Variants in CSMD1 observed in about 807,000 individuals in gnomAD.
CSMD1 encodes CUB and Sushi multiple domains 1.
CSMD1 carries 213 observed loss-of-function variants against 417.5 expected under a neutral mutation model. The ratio of observed to expected loss-of-function variants is 0.51; its 90% confidence interval spans 0.46 to 0.57. The LOEUF is 0.57. Ranked by LOEUF, CSMD1 falls within the 20% of genes least tolerant of loss-of-function variation. CSMD1 has a pLI of 0.00. For missense variants in CSMD1, 6,923 were observed against 4,529.7 expected (o/e 1.53, Z -15.17); for synonymous variants, 2,862 against 1,736.8 (o/e 1.65, Z -16.11).
chr8:3,905,206 A>AT (rs554892634), intron 5 of CSMD1, among the ~76,000 whole-genome samples: 3 of 152,090 alleles, frequency 2.0e-5, no homozygotes, highest in Non-Finnish European at 2.9e-5. Flanking sequence ...AAAAGATAAT[A>AT]TTTTTTCTGC....
At position 3,134,342 on chromosome 8, in the gene CSMD1, A is replaced by G. The variant is rs77913190; in HGVS notation, c.6241+8123T>C. On this transcript the variant is annotated intron_variant, in intron 41 of 69. Transcript: ENST00000635120. ...GATCTGCAAGAGGCAATGCAGCCAC[A>G]GCGGACATCTGGATTCCACGGTCAC... Among the ~76,000 whole-genome samples the G allele has an allele frequency of 9.0e-3, 1,376 of 152,308 alleles. 18 individuals carry two copies. The highest frequency in any genetic ancestry group is 0.066 in the South Asian group (318 of 4,828).
chr8:4,133,029 G>T (rs893781656), intron 3 of CSMD1, among the ~76,000 whole-genome samples: 1 of 152,118 alleles, frequency 6.6e-6, no homozygotes. Flanking sequence ...CGACTCCCGG[G>T]TTAAAGCGAT....
chr8:3,674,852 T>A (rs1293456660), intron 7 of CSMD1, among the ~76,000 whole-genome samples: 2 of 152,196 alleles, frequency 1.3e-5, no homozygotes, highest in Non-Finnish European at 2.9e-5. Context: ...CAGTAAAGAC[T>A]ATCCTTTAAA....
At chr8:4,980,503 G>A (rs1039887529) in intron 1 of CSMD1, among the ~76,000 whole-genome samples, 1 of 152,216 alleles carries the variant, frequency 6.6e-6, no homozygotes, top group Admixed American at 6.5e-5. Flanking sequence ...AATGAAAGGA[G>A]AATTCCTTAG....
intron 3 of CSMD1, among the ~76,000 whole-genome samples, chr8:4,123,826 G>T (rs771098787): frequency 1.3e-5 from 2 of 152,070 alleles, no homozygotes; most frequent in African/African-American, 2.4e-5. Flanking sequence ...TTCAAGTGAG[G>T]ACCTATAGAG....
At chr8:4,730,616 C>T (rs1402396280) in intron 1 of CSMD1, among the ~76,000 whole-genome samples, 1 of 152,026 alleles carries the variant, frequency 6.6e-6, no homozygotes, top group African/African-American at 2.4e-5. Context: ...TGGCGGGCGC[C>T]TGTAGTCCCA....
chr8:3,108,410 T>A (rs1214232651), intron 44 of CSMD1, among the ~76,000 whole-genome samples, 193 bp downstream of exon 44: 1 of 152,164 alleles, frequency 6.6e-6, no homozygotes, highest in Non-Finnish European at 1.5e-5. Flanking sequence ...CCAAGCTGGA[T>A]ACGATGTGAA....
At chr8:4,260,318 G>C (rs773465545) in intron 3 of CSMD1, among the ~76,000 whole-genome samples, 50 of 152,092 alleles carry the variant, frequency 3.3e-4, no homozygotes, top group Admixed American at 2.2e-3. Context: ...TTTATGATGT[G>C]TCTGTTTTTA....
intron 49 of CSMD1, among the ~76,000 whole-genome samples, chr8:3,079,270 C>G (rs1417353790): frequency 6.6e-6 from 1 of 152,184 alleles, no homozygotes; most frequent in African/African-American, 2.4e-5. Context: ...TGATAATTTA[C>G]AATCTGGCTG....
chr8:4,280,076 T>G lies in CSMD1; in HGVS notation c.415+139877A>C, dbSNP rs1212521281. Among the ~76,000 whole-genome samples the G allele has an allele frequency of 3.3e-5, 5 of 152,238 alleles. No homozygotes were observed. The South Asian group carries it at 1.0e-3, about 31-fold the overall frequency. On this transcript the variant is annotated intron_variant, in intron 3 of 69. Coordinates refer to ENST00000635120, the MANE Select transcript of CSMD1 (RefSeq NM_033225.6). ...GAACGCTGAGCGTTAACTAACGCGT[T>G]GAAAATAAATAACTCTGTTTTGTAT...
chr8:3,801,914 G>A (rs1428908738), intron 5 of CSMD1, among the ~76,000 whole-genome samples: 4 of 152,052 alleles, frequency 2.6e-5, no homozygotes, highest in Non-Finnish European at 5.9e-5. Flanking sequence ...CCAATGCCTA[G>A]GGTATAGGGT....
chr8:3,637,826 A>G (rs1273025796), intron 7 of CSMD1, among the ~76,000 whole-genome samples: 1 of 152,162 alleles, frequency 6.6e-6, no homozygotes, highest in Non-Finnish European at 1.5e-5. Flanking sequence ...CTTGGGGGCC[A>G]GTATTTCTTG....
intron 8 of CSMD1, among the ~76,000 whole-genome samples, chr8:3,612,586 G>A (rs997440286): frequency 6.6e-6 from 1 of 152,086 alleles, no homozygotes; most frequent in African/African-American, 2.4e-5. Flanking sequence ...ATTTTTTAAA[G>A]TTCAGATCCT....
rs369153096 is a variant in CSMD1, at chr8:3,942,132, T to C, written c.818+55771A>G. ...GATGATCTGTCACGCTGAGATGGGA[T>C]CGTCACCCCCAGATGGGACCATCTA... On this transcript the variant is annotated intron_variant, in intron 5 of 69. Coordinates refer to ENST00000635120, the MANE Select transcript of CSMD1 (RefSeq NM_033225.6). Among the ~76,000 whole-genome samples, 6 of 152,068 alleles carry C rather than the reference T, an allele frequency of 3.9e-5. No homozygotes were observed. In the East Asian group the frequency reaches 9.7e-4, roughly 25 times the overall value.
intron 1 of CSMD1, among the ~76,000 whole-genome samples, chr8:4,798,621 T>G (rs1585117155): frequency 6.6e-6 from 1 of 152,072 alleles, no homozygotes; most frequent in Non-Finnish European, 1.5e-5. Context: ...TCAATAAAAA[T>G]TCGTCTAAAA....
chr8:3,846,319 T>G (rs1803500395), intron 5 of CSMD1, among the ~76,000 whole-genome samples: 1 of 152,324 alleles, frequency 6.6e-6, no homozygotes, highest in Non-Finnish European at 1.5e-5. Context: ...CATGAGAATC[T>G]TATCCAACCA....
chr8:4,338,105 T>G (rs540469271), intron 3 of CSMD1, among the ~76,000 whole-genome samples: 1 of 152,156 alleles, frequency 6.6e-6, no homozygotes, highest in Non-Finnish European at 1.5e-5. Context: ...GTAACTTTGG[T>G]GTACAATTAA....
In CSMD1 at chr8:3,195,721, T is replaced by A. The variant is rs1468996861; in HGVS notation, c.5194+3993A>T. ...TCCTCCACTGTGAACACTCGAGGAATTCCCGGGAGCTAAGAAACTGGTATA... is the reference window on the plus strand; with the variant it reads ...TCCTCCACTGTGAACACTCGAGGAAATCCCGGGAGCTAAGAAACTGGTATA... On this transcript the variant is annotated intron_variant, in intron 33 of 69. Coordinates refer to ENST00000635120, the MANE Select transcript of CSMD1 (RefSeq NM_033225.6). Among the ~76,000 whole-genome samples, 5 of 152,108 alleles carry A rather than the reference T, an allele frequency of 3.3e-5. No individual in the cohort carries two copies. In the East Asian group the frequency reaches 7.7e-4, roughly 24 times the overall value.
At chr8:4,053,167 A>G (rs1798520898) in intron 3 of CSMD1, among the ~76,000 whole-genome samples, 1 of 152,212 alleles carries the variant, frequency 6.6e-6, no homozygotes, top group Non-Finnish European at 1.5e-5. Context: ...AATCTGAACT[A>G]CAGGTGCAAA....
Sources: allele counts gnomAD v4.1 joint callset (sites outside exome capture counted in the v4.1 genomes callset), GRCh38; gene constraint gnomAD v4.1.1; transcripts MANE v1.5; gene names NCBI Gene and HGNC (gene_info 2026-07-23, HGNC 2026-07-21).